Variants in KIAA0825 observed in about 807,000 individuals in gnomAD.
KIAA0825 encodes KIAA0825, also known as uncharacterized protein KIAA0825.
Under a neutral mutation model 147.6 loss-of-function variants are expected in KIAA0825, and 119 were observed. The ratio of observed to expected loss-of-function variants is 0.81; its 90% confidence interval spans 0.69 to 0.94. The LOEUF is 0.94. Ranked by LOEUF, KIAA0825 falls within the 40% of genes least tolerant of loss-of-function variation. KIAA0825 has a pLI of 0.00. For synonymous variants in KIAA0825, 470 were observed against 518.1 expected (o/e 0.91, Z 1.26); for missense variants, 1,381 against 1,472.7 (o/e 0.94, Z 1.02).
At position 94,384,456 on chromosome 5, in the gene KIAA0825, T is replaced by C. The variant is rs762519299; in HGVS notation, c.3622A>G (p.Ile1208Val). Reference protein sequence around the residue: ...FSENMLDQVSITKWNWNWAKL... With the variant: ...FSENMLDQVSVTKWNWNWAKL... ...GCCCAATTCCAGTTCCATTTTGTGA[T>C]GGCTGACTGTTGATAAATGAGAAGA... Residue 1208 changes from isoleucine to valine, a missense_variant and splice_region_variant, in exon 20 of 21, where the codon ATC becomes GTC. Ile to Val is a conservative substitution (Grantham distance 29). Coordinates refer to ENST00000682413, the MANE Select transcript of KIAA0825 (RefSeq NM_001145678.3). 6.1e-5 allele frequency: 95 copies of C among 1,550,714 alleles called. No individual in the cohort carries two copies. The highest frequency in any genetic ancestry group is 7.9e-5 in the Non-Finnish European group (91 of 1,146,002).
At chr5:94,303,297 G>A (rs778374730) in intron 20 of KIAA0825, among the ~76,000 whole-genome samples, 81 of 151,694 alleles carry the variant, frequency 5.3e-4, no homozygotes, top group Middle Eastern at 3.2e-3. Flanking sequence ...ATAAAAGTAG[G>A]AATCCTAAAA....
chr5:94,533,655 T>C (rs1771382469), intron 3 of KIAA0825, among the ~76,000 whole-genome samples: 1 of 152,182 alleles, frequency 6.6e-6, no homozygotes, highest in Non-Finnish European at 1.5e-5. Context: ...CTCAGTTCAT[T>C]AGTGCTATAT....
intron 20 of KIAA0825, among the ~76,000 whole-genome samples, chr5:94,156,903 A>G (rs748823766): frequency 1.3e-5 from 2 of 152,184 alleles, no homozygotes; most frequent in Non-Finnish European, 2.9e-5. Context: ...TTTCACATCT[A>G]TAAGTTCTTA....
chr5:94,500,045 A>C (rs1328899889), intron 5 of KIAA0825, among the ~76,000 whole-genome samples: 1 of 152,218 alleles, frequency 6.6e-6, no homozygotes, highest in Non-Finnish European at 1.5e-5. Flanking sequence ...AAGAGGTGGC[A>C]CACGCGACAT....
intron 14 of KIAA0825, among the ~76,000 whole-genome samples, chr5:94,421,575 C>G (rs1754190943): frequency 6.6e-6 from 1 of 152,132 alleles, no homozygotes; most frequent in Non-Finnish European, 1.5e-5. Flanking sequence ...TACCCCGTTT[C>G]CCCTTCTCAA....
intron 20 of KIAA0825, among the ~76,000 whole-genome samples, chr5:94,324,900 C>A (rs138973600): frequency 1.7e-4 from 26 of 151,536 alleles, no homozygotes; most frequent in South Asian, 6.2e-4. Flanking sequence ...TATATTTGGC[C>A]GATTCTCCAA....
intron 2 of KIAA0825, among the ~76,000 whole-genome samples, chr5:94,549,169 T>C (rs990370054): frequency 6.6e-6 from 1 of 152,124 alleles, no homozygotes; most frequent in South Asian, 2.1e-4. Flanking sequence ...CATAGATCAT[T>C]CTTAAGGAAA....
At position 94,602,106 on chromosome 5, in the gene KIAA0825, T is replaced by C. The variant is rs1047407728; in HGVS notation, c.-153+16394A>G. 1.2e-4 allele frequency among the ~76,000 whole-genome samples: 18 copies of C among 152,102 alleles called. 1 individual carries two copies. The highest frequency in any genetic ancestry group is 3.9e-4 in the African/African-American group (16 of 41,414). ...GGCTCACGCCTATAATCCCAGCACT[T>C]TGGGAGGCCAAGGCAGGCGGATCAT... On this transcript the variant is annotated intron_variant, in intron 1 of 20. Coordinates refer to ENST00000682413, the MANE Select transcript of KIAA0825 (RefSeq NM_001145678.3).
At chr5:94,270,254 A>G (rs1776925884) in intron 20 of KIAA0825, among the ~76,000 whole-genome samples, 1 of 152,140 alleles carries the variant, frequency 6.6e-6, no homozygotes. Flanking sequence ...AGACACATAG[A>G]CCAATGGAAC....
In KIAA0825 at chr5:94,470,001, G is replaced by A; in HGVS notation, c.1832C>T (p.Ala611Val). The change falls in exon 10 of 21, where the codon GCT becomes GTT. Residue 611 changes from alanine (A) to valine (V), a missense_variant. Physicochemically the swap from Ala to Val is moderately conservative, Grantham distance 64 (BLOSUM62 0). Transcript: ENST00000682413. ...RVCATSILQDAESHHWDDYKA... is the reference protein window; with the variant it reads ...RVCATSILQDVESHHWDDYKA... ...GTAGTCATCCCAGTGGTGGCTCTCA[G>A]CATCCTGTAAAATGCTTGTAGCACA... 1 of 1,551,702 alleles carries A rather than the reference G, an allele frequency of 6.4e-7. No individual in the cohort carries two copies. The highest frequency in any genetic ancestry group is 8.7e-7 in the Non-Finnish European group (1 of 1,146,920).
At chr5:94,331,821 C>A (rs1014895131) in intron 20 of KIAA0825, among the ~76,000 whole-genome samples, 3 of 152,158 alleles carry the variant, frequency 2.0e-5, no homozygotes, top group South Asian at 2.1e-4. Context: ...AATTCAACAT[C>A]AATTCATTAA....
At chr5:94,399,100 C>T (rs1299689271) in intron 16 of KIAA0825, among the ~76,000 whole-genome samples, 1 of 152,104 alleles carries the variant, frequency 6.6e-6, no homozygotes, top group Non-Finnish European at 1.5e-5. Context: ...AATATGAAAG[C>T]ACCTAGCTCA....
At chr5:94,595,824 T>G (rs1785209442) in intron 1 of KIAA0825, among the ~76,000 whole-genome samples, 1 of 152,164 alleles carries the variant, frequency 6.6e-6, no homozygotes, top group Non-Finnish European at 1.5e-5. Flanking sequence ...GCCTAGAAAT[T>G]TCTTCCACTA....
chr5:94,613,490 C>T (rs148685453), intron 1 of KIAA0825, among the ~76,000 whole-genome samples: 2 of 152,138 alleles, frequency 1.3e-5, no homozygotes, highest in Non-Finnish European at 2.9e-5. Context: ...TGAGTCACTG[C>T]GCCGGCCAAT....
intron 12 of KIAA0825, among the ~76,000 whole-genome samples, chr5:94,455,219 G>A (rs554293415): frequency 6.6e-6 from 1 of 152,014 alleles, no homozygotes; most frequent in Non-Finnish European, 1.5e-5. Flanking sequence ...AACGTAAGAT[G>A]TAAAGATCGT....
intron 5 of KIAA0825, among the ~76,000 whole-genome samples, chr5:94,511,766 T>A (rs934501572): frequency 6.6e-6 from 1 of 152,130 alleles, no homozygotes; most frequent in Non-Finnish European, 1.5e-5. Context: ...GGCAAGTGGA[T>A]CTCCTGGGGT....
intron 20 of KIAA0825, among the ~76,000 whole-genome samples, chr5:94,205,268 C>CATATAT (rs5869623): frequency 0.1 from 9,149 of 89,918 alleles, 604 homozygotes; most frequent in East Asian, 0.13. Flanking sequence ...ACTATTTAAT[C>CATATAT]ATATATATAT....
At chr5:94,166,326 T>C (rs575209133) in intron 20 of KIAA0825, among the ~76,000 whole-genome samples, 1 of 152,272 alleles carries the variant, frequency 6.6e-6, no homozygotes, top group South Asian at 2.1e-4. Context: ...AAAGATTGTG[T>C]ACAGTATTTC....
At chr5:94,235,111 T>C (rs1774969257) in intron 20 of KIAA0825, among the ~76,000 whole-genome samples, 1 of 152,060 alleles carries the variant, frequency 6.6e-6, no homozygotes, top group Non-Finnish European at 1.5e-5. Flanking sequence ...TGCACATCTC[T>C]AACTTTAAAT....
Sources: gnomAD v4.1 joint callset for allele counts (sites outside exome capture counted in the v4.1 genomes callset) on GRCh38, gnomAD v4.1.1 for gene constraint, MANE v1.5 for transcripts, NCBI Gene and HGNC (gene_info 2026-07-23, HGNC 2026-07-21) for gene names.